PCDHGA7: variants seen among roughly 807,000 people sequenced by gnomAD.
PCDHGA7 encodes the protein protocadherin gamma-A7.
Under a neutral mutation model 58.3 loss-of-function variants are expected in PCDHGA7, and 44 were observed. The ratio of observed to expected loss-of-function variants is 0.75; its 90% CI spans 0.59 to 0.97. The LOEUF is 0.97. Among genes scored for constraint, PCDHGA7 ranks in the 50% least tolerant of loss-of-function variants. The pLI is 0.00. For missense variants in PCDHGA7, 1,266 were observed against 1,188.7 expected (o/e 1.06, Z -0.96); for synonymous variants, 516 against 504.2 (o/e 1.02, Z -0.31).
intron 1 of PCDHGA7, chr5:141,409,876 C>A: frequency 6.2e-7 from 1 of 1,612,874 alleles, no homozygotes. Flanking sequence ...GCAATGACAA[C>A]GCACCGCGGG....
chr5:141,468,651 G>C (rs2099171216), intron 1 of PCDHGA7: 1 of 152,018 alleles, frequency 6.6e-6, no homozygotes, highest in African/African-American at 2.4e-5. Context: ...CGGATCACAA[G>C]GTCAGGAGAT....
chr5:141,483,444 T>C (rs956913442), intron 1 of PCDHGA7, among the ~76,000 whole-genome samples: 1 of 152,108 alleles, frequency 6.6e-6, no homozygotes, highest in African/African-American at 2.4e-5. Context: ...TACAATAAAA[T>C]CATCAGGACT....
intron 1 of PCDHGA7, among the ~76,000 whole-genome samples, chr5:141,453,135 A>G (rs932061368): frequency 6.6e-6 from 1 of 151,778 alleles, no homozygotes; most frequent in Non-Finnish European, 1.5e-5. Context: ...TGTTTTTGAG[A>G]TAGGGTCTCG....
intron 1 of PCDHGA7, chr5:141,430,540 G>T: frequency 2.6e-6 from 1 of 386,954 alleles, no homozygotes; most frequent in Admixed American, 4.2e-5. Flanking sequence ...GACTCTGAGC[G>T]CCGCTGTTCA....
At chr5:141,500,840 C>T (rs1394248251) in intron 2 of PCDHGA7, among the ~76,000 whole-genome samples, 1 of 151,966 alleles carries the variant, frequency 6.6e-6, no homozygotes, top group Non-Finnish European at 1.5e-5. Flanking sequence ...TGCTAATGGG[C>T]TTTTGCTACA....
Position 141,383,622 on chromosome 5 carries a change from C to G in PCDHGA7, c.723C>G (p.Val241=), listed in dbSNP as rs780650375. The G allele has an allele frequency of 1.2e-5, 19 of 1,613,798 alleles. No homozygotes were observed. Among genetic ancestry groups the G allele is most frequent in the Admixed American group, 3.3e-5 (2 of 60,012 alleles). The change falls in exon 1 of 4, where the codon GTC becomes GTG. Residue 241 remains valine (V), a synonymous_variant. Transcript: ENST00000518325. The stretch of plus-strand genomic sequence containing the variant: ...TGGATGTGAATGACCACACGCCTGT[C>G]TTCTCTCTGCCTCAGTACCAAGTAA... ...TVVDVNDHTP[V]FSLPQYQVTV... is the part of the protein sequence containing the mutation.
At chr5:141,422,872 C>T (rs773469060) in intron 1 of PCDHGA7, 19 of 1,614,134 alleles carry the variant, frequency 1.2e-5, no homozygotes, top group African/African-American at 2.7e-5. Flanking sequence ...CAACGTGTCG[C>T]TGAGCCTGTT....
chr5:141,445,584 G>A lies in PCDHGA7; in HGVS notation c.2425-49223G>A, dbSNP rs540956709. ...AGAAAGCTTATAGTAGGGAAGCTTC[G>A]CCTAATCTGAAGGTCAAGGAAGGCT... On this transcript the variant is annotated intron_variant, in intron 1 of 3. Transcript: ENST00000518325. Among the ~76,000 whole-genome samples, 116 of 152,286 alleles carry A rather than the reference G, an allele frequency of 7.6e-4. 2 individuals are homozygous for A. Among genetic ancestry groups the A allele is most frequent in the Non-Finnish European group, 2.4e-4 (16 of 68,024 alleles).
In PCDHGA7 at chr5:141,482,843, G is replaced by T. The variant is rs1005014887; in HGVS notation, c.2425-11964G>T. On this transcript the variant is annotated intron_variant, in intron 1 of 3. Transcript: ENST00000518325. ...TCCTAGCACTTTGGGAGGCCAAGGT[G>T]GGCAGATCACTTGAGGTCAGGAGTT... Among the ~76,000 whole-genome samples the T allele has an allele frequency of 4.3e-5, 6 of 140,152 alleles. No homozygotes were observed. The South Asian group carries it at 8.6e-4, about 20-fold the overall frequency. 91.9% of individuals were successfully genotyped at this position (140,152 alleles called of 152,430 possible).
rs188338684 is a variant in PCDHGA7, at chr5:141,431,953, C to T, written c.2424+46630C>T. ...TGCCCTTTAAATTAGAAAAATCTTA[C>T]GGAAATTACTATAGTTTAGTCACAG... On this transcript the variant is annotated intron_variant, in intron 1 of 3. Transcript: ENST00000518325. The surrounding 1 kb of genome is among the most constrained non-coding windows in gnomAD (Gnocchi z 4.8). 2.4e-5 allele frequency: 38 copies of T among 1,614,082 alleles called. No homozygotes were observed. In the East Asian group the frequency reaches 7.6e-4, roughly 32 times the overall value.
chr5:141,501,500 C>G (rs1385290676), intron 2 of PCDHGA7, among the ~76,000 whole-genome samples: 1 of 151,934 alleles, frequency 6.6e-6, no homozygotes, highest in Non-Finnish European at 1.5e-5. Context: ...GCTGCTGGGG[C>G]TCCAAGGCCT....
At chr5:141,452,751 A>C (rs1592230802) in intron 1 of PCDHGA7, among the ~76,000 whole-genome samples, 1 of 152,094 alleles carries the variant, frequency 6.6e-6, no homozygotes, top group South Asian at 2.1e-4. Context: ...AGAAGGAAGA[A>C]GGAAGGGAGG....
At position 141,485,320 on chromosome 5, in the gene PCDHGA7, T is replaced by G; in HGVS notation, c.2425-9487T>G. The G allele has an allele frequency of 6.2e-7, 1 of 1,614,114 alleles. No individual in the cohort carries two copies. The highest frequency in any genetic ancestry group is 8.5e-7 in the Non-Finnish European group (1 of 1,180,018). ...AAGGGACTTTTGTAGGGAATGTCGC[T>G]CAAGATTTCCTGCTGGATACGGACA... is the stretch of plus-strand genomic sequence containing the variant. On this transcript the variant is annotated intron_variant, in intron 1 of 3. Transcript: ENST00000518325. The surrounding 1 kb of genome is among the most constrained non-coding windows in gnomAD (Gnocchi z 5.7).
intron 1 of PCDHGA7, chr5:141,393,874 G>T (rs1226947734): frequency 1.2e-6 from 2 of 1,613,826 alleles, no homozygotes; most frequent in Non-Finnish European, 1.7e-6. Flanking sequence ...TCTTTGTTTA[G>T]CCCAGTGTTA....
chr5:141,403,671 C>T (rs1322750068), intron 1 of PCDHGA7: 3 of 1,613,786 alleles, frequency 1.9e-6, no homozygotes, highest in African/African-American at 1.3e-5. Flanking sequence ...GATAATGCCC[C>T]GGTTTTTGCT....
intron 1 of PCDHGA7, chr5:141,408,220 G>T: frequency 6.4e-7 from 1 of 1,558,994 alleles, no homozygotes; most frequent in Admixed American, 1.9e-5. Flanking sequence ...GGAGCTGCGC[G>T]CAGAGGCGCC....
intron 1 of PCDHGA7, chr5:141,420,314 A>G (rs1454977890): frequency 6.9e-7 from 1 of 1,442,692 alleles, no homozygotes; most frequent in African/African-American, 1.4e-5. Flanking sequence ...TTTATATTAC[A>G]ATATGCCAAT....
rs2099811015 is a variant in PCDHGA7 at position 141,501,774 on chromosome 5, G to GTC, written c.2484-3612_2484-3611dup. ...CTCTCAGTAAATGGTTAAAAAAGAG[G>GTC]TCTCTCTCCCTCTGCTCATCTCTTA... is the stretch of plus-strand genomic sequence containing the variant. On this transcript the variant is annotated intron_variant, in intron 2 of 3. Coordinates refer to ENST00000518325, the MANE Select transcript of PCDHGA7 (RefSeq NM_018920.4). Among the ~76,000 whole-genome samples, 3 of 152,062 alleles carry GTC rather than the reference G, an allele frequency of 2.0e-5. No homozygotes were observed. In the South Asian group the frequency reaches 6.2e-4, roughly 32 times the overall value.
At chr5:141,452,227 T>C (rs2098736376) in intron 1 of PCDHGA7, among the ~76,000 whole-genome samples, 1 of 152,232 alleles carries the variant, frequency 6.6e-6, no homozygotes, top group African/African-American at 2.4e-5. Context: ...CTCTTCAAGC[T>C]GGTTCTTGTG....
Sources: gnomAD v4.1 joint callset for allele counts (sites outside exome capture counted in the v4.1 genomes callset) on GRCh38, gnomAD v4.1.1 for gene constraint, Gnocchi (gnomAD v3.1) non-coding constraint, MANE v1.5 for transcripts, NCBI Gene and HGNC (gene_info 2026-07-23, HGNC 2026-07-21) for gene names.